SSH1: variants seen among roughly 807,000 people sequenced by gnomAD.
SSH1 encodes slingshot protein phosphatase 1.
A neutral mutation model predicts 79.7 loss-of-function variants in SSH1; 43 were observed. The observed-to-expected ratio is 0.54, with a 90% CI of 0.42 to 0.70. The LOEUF (loss-of-function observed/expected upper bound fraction) is 0.70, where lower values mean the gene tolerates loss of function less well. SSH1 is among the 30% of genes least tolerant of loss of function. SSH1 has a pLI of 0.00. For missense variants in SSH1, 1,206 were observed against 1,358.8 expected (o/e 0.89, Z 1.77); for synonymous variants, 599 against 538.3 (o/e 1.11, Z -1.56).
At chr12:108,855,324 A>G (rs1243749135) in intron 1 of SSH1, among the ~76,000 whole-genome samples, 1 of 152,170 alleles carries the variant, frequency 6.6e-6, no homozygotes, top group Non-Finnish European at 1.5e-5. Flanking sequence ...GTGGTTGCCT[A>G]AGGTTAGGGA....
At chr12:108,820,765 A>G (rs1593088090) in intron 3 of SSH1, among the ~76,000 whole-genome samples, 1 of 152,240 alleles carries the variant, frequency 6.6e-6, no homozygotes, top group East Asian at 1.9e-4. Flanking sequence ...TGGTACATTC[A>G]GGAGACTTGA....
chr12:108,795,579 T>C (rs1047506561), intron 13 of SSH1, among the ~76,000 whole-genome samples: 1 of 151,746 alleles, frequency 6.6e-6, no homozygotes, highest in Non-Finnish European at 1.5e-5. Flanking sequence ...ACATATAATA[T>C]AAAATTTGGG....
intron 6 of SSH1, among the ~76,000 whole-genome samples, chr12:108,810,645 A>G (rs1021123361): frequency 4.6e-5 from 7 of 152,278 alleles, no homozygotes; most frequent in African/African-American, 1.4e-4. Flanking sequence ...ACAAGGCAAC[A>G]TAACTCTGAC....
At chr12:108,834,831 T>C (rs1315194331) in intron 2 of SSH1, among the ~76,000 whole-genome samples, 2 of 152,162 alleles carry the variant, frequency 1.3e-5, no homozygotes, top group Non-Finnish European at 2.9e-5. Context: ...GTGCTTGACA[T>C]ACAGTAGATT....
intron 11 of SSH1, 70 bp downstream of exon 11, chr12:108,802,252 C>A (rs2037047176): frequency 1.4e-6 from 2 of 1,468,924 alleles, no homozygotes; most frequent in Non-Finnish European, 9.5e-7. Flanking sequence ...AAGGTCTCCC[C>A]CTCCATGGCA....
At chr12:108,827,705 A>G (rs942749733) in intron 2 of SSH1, among the ~76,000 whole-genome samples, 1 of 152,190 alleles carries the variant, frequency 6.6e-6, no homozygotes, top group Non-Finnish European at 1.5e-5. Context: ...AACTGGCCCC[A>G]AGGAACCAAC....
At position 108,787,750 on chromosome 12, in the gene SSH1, T is replaced by C. The variant is rs1592994294; in HGVS notation, c.*238A>G. The C allele has an allele frequency of 1.7e-6, 1 of 573,840 alleles. No individual in the cohort carries two copies. 35.5% of individuals were successfully genotyped at this position (573,840 alleles called of 1,614,324 possible). A position where few individuals can be genotyped will look rare whatever the true frequency, so the allele number is the denominator to read the frequency against. On this transcript the variant is annotated 3_prime_UTR_variant, in exon 15 of 15. Transcript: ENST00000326495. ...AAGACACGGTGGGAGCGGAGTTTTG[T>C]GTCTCCTGGCCGGCGGCTCCTGGTT...
rs2036148177 is a variant in SSH1, at chr12:108,781,691, G to A, written c.*6297C>T. 2.6e-5 allele frequency: 4 copies of A among 152,154 alleles called. No individual in the cohort carries two copies. The highest frequency in any genetic ancestry group is 2.6e-4 in the Admixed American group (4 of 15,276). The allele number at this position is 152,154 out of a possible 1,614,324, so 9.4% of individuals were successfully genotyped here. A position where few individuals can be genotyped will look rare whatever the true frequency, so the allele number is the denominator to read the frequency against. On this transcript the variant is annotated 3_prime_UTR_variant, in exon 15 of 15. Transcript: ENST00000326495. ...CCCAGTCTCCCTGGCTGTTGCATTG[G>A]GACCCTGTGACTGGGCCCTGCCCAC...
chr12:108,789,417 G>A (rs187693422), intron 14 of SSH1, among the ~76,000 whole-genome samples, 173 bp from the exon 15 acceptor site: 3 of 152,240 alleles, frequency 2.0e-5, no homozygotes, highest in East Asian at 1.9e-4. Flanking sequence ...CCACTTGATC[G>A]AGAATAACCA....
At chr12:108,831,817 C>A (rs1409710997) in intron 2 of SSH1, among the ~76,000 whole-genome samples, 2 of 152,112 alleles carry the variant, frequency 1.3e-5, no homozygotes, top group Non-Finnish European at 2.9e-5. Context: ...ATATCAGTTC[C>A]TTATAAGTTT....
At chr12:108,845,027 A>G (rs1017649526) in intron 2 of SSH1, among the ~76,000 whole-genome samples, 1 of 151,354 alleles carries the variant, frequency 6.6e-6, no homozygotes, top group Non-Finnish European at 1.5e-5. Context: ...TGCAGGGTAC[A>G]CCTACAGTCC....
chr12:108,788,837 G>C lies in SSH1; in HGVS notation c.2301C>G (p.Pro767=), dbSNP rs1330348092. The C allele has an allele frequency of 1.9e-6, 3 of 1,614,238 alleles. No homozygotes were observed. Among genetic ancestry groups the C allele is most frequent in the Non-Finnish European group, 2.5e-6 (3 of 1,180,046 alleles). The stretch of plus-strand genomic sequence containing the variant: ...CTTCCTTTATTACCACTTCTGTGCT[G>C]GGAGGGTTCTTATCACAGTGAGAAT... ...LKNSHCDKNP[P]STEVVIKEES... Residue 767 remains proline, a synonymous_variant, in exon 15 of 15, where the codon CCC becomes CCG. Transcript: ENST00000326495.
chr12:108,857,516 G>A lies in SSH1; in HGVS notation c.-20C>T, dbSNP rs1593144606. The A allele has an allele frequency of 1.8e-6, 2 of 1,124,956 alleles. No individual in the cohort carries two copies. The allele number at this position is 1,124,956 out of a possible 1,614,324, so 69.7% of individuals were successfully genotyped here. A position where few individuals can be genotyped will look rare whatever the true frequency, so the allele number is the denominator to read the frequency against. ...GGCCATGGCTGCGGCGCGGTGCGAGGGCGCCACAGACGTCTCGAGCTAGAG... is the reference window on the plus strand; with the variant it reads ...GGCCATGGCTGCGGCGCGGTGCGAGAGCGCCACAGACGTCTCGAGCTAGAG... On this transcript the variant is annotated 5_prime_UTR_variant, in exon 1 of 15. Coordinates refer to ENST00000326495, the MANE Select transcript of SSH1 (RefSeq NM_018984.4). The surrounding 1 kb of genome is among the most constrained non-coding windows in gnomAD (Gnocchi z 4.7).
In SSH1 at chr12:108,831,835, G is replaced by A. The variant is rs142841004; in HGVS notation, c.111-8474C>T. Among the ~76,000 whole-genome samples, 98 of 152,240 alleles carry A rather than the reference G, an allele frequency of 6.4e-4. No individual in the cohort carries two copies. In the East Asian group the frequency reaches 8.1e-3, roughly 13 times the overall value. The stretch of plus-strand genomic sequence containing the variant: ...TCAGTTCCTTATAAGTTTGGTTAGC[G>A]TAAATTGGTTTCTTAGAACTTGATC... On this transcript the variant is annotated intron_variant, in intron 2 of 14. Coordinates refer to ENST00000326495, the MANE Select transcript of SSH1 (RefSeq NM_018984.4).
chr12:108,837,048 T>C (rs909370424), intron 2 of SSH1: 2 of 456,892 alleles, frequency 4.4e-6, no homozygotes, highest in African/African-American at 4.0e-5. Flanking sequence ...CTGGCCAACA[T>C]GGCAACACCC....
chr12:108,820,034 G>A (rs150705782), intron 3 of SSH1, among the ~76,000 whole-genome samples: 10 of 151,132 alleles, frequency 6.6e-5, no homozygotes, highest in African/African-American at 1.2e-4. Flanking sequence ...CATGTTAAGC[G>A]TTCTTTCTTT....
At chr12:108,840,078 G>C (rs975450801) in intron 2 of SSH1, among the ~76,000 whole-genome samples, 2 of 152,154 alleles carry the variant, frequency 1.3e-5, no homozygotes, top group African/African-American at 4.8e-5. Flanking sequence ...TCATTTATGC[G>C]GCAGTCTCTT....
chr12:108,824,948 G>A (rs923003799), intron 2 of SSH1, among the ~76,000 whole-genome samples: 3 of 152,176 alleles, frequency 2.0e-5, no homozygotes, highest in Non-Finnish European at 4.4e-5. Context: ...GGTGGGGGAG[G>A]AGGAGGAATA....
At chr12:108,838,608 A>C (rs1236452222) in intron 2 of SSH1, among the ~76,000 whole-genome samples, 2 of 152,224 alleles carry the variant, frequency 1.3e-5, no homozygotes, top group African/African-American at 2.4e-5. Flanking sequence ...CAGCTCTGGC[A>C]CCAAGTGCTG....
Sources: gnomAD v4.1 joint callset for allele counts (sites outside exome capture counted in the v4.1 genomes callset) on GRCh38, gnomAD v4.1.1 for gene constraint, Gnocchi (gnomAD v3.1) non-coding constraint, MANE v1.5 for transcripts, NCBI Gene and HGNC (gene_info 2026-07-23, HGNC 2026-07-21) for gene names.